The following NTM variants were observed in gnomAD, a reference collection of about 807,000 sequenced individuals.
NTM encodes IgLON family member 2.
Under a neutral mutation model 42.1 loss-of-function variants are expected in NTM, and 13 were observed. That is an observed-to-expected ratio of 0.31 (90% CI 0.20 to 0.49). The LOEUF (loss-of-function observed/expected upper bound fraction) is 0.49. Ranked by LOEUF, NTM falls within the 20% of genes least tolerant of loss-of-function variation. The pLI is 0.99. For synonymous variants in NTM, 187 were observed against 179.2 expected, an observed-to-expected ratio of 1.04 and a Z score of -0.35; for missense variants, 373 against 452.8, an observed-to-expected ratio of 0.82 and a Z score of 1.60.
intron 1 of NTM, among the ~76,000 whole-genome samples, chr11:131,587,701 T>C (rs773057853): frequency 3.9e-5 from 6 of 152,208 alleles, no homozygotes; most frequent in South Asian, 2.1e-4. Context: ...AGTGGAATTG[T>C]ATCTTAAATG....
At chr11:132,272,243 T>C (rs1331786029) in intron 4 of NTM, among the ~76,000 whole-genome samples, 1 of 152,140 alleles carries the variant, frequency 6.6e-6, no homozygotes, top group Non-Finnish European at 1.5e-5. Flanking sequence ...TCTATGTATT[T>C]CTCCTTATGC....
intron 2 of NTM, among the ~76,000 whole-genome samples, chr11:132,112,925 G>T (rs915479522): frequency 6.6e-6 from 1 of 152,220 alleles, no homozygotes; most frequent in African/African-American, 2.4e-5. Context: ...CAGCCAGAGG[G>T]GGTCTTGTTA....
chr11:132,181,825 G>A (rs761786372), intron 3 of NTM, among the ~76,000 whole-genome samples: 1 of 151,970 alleles, frequency 6.6e-6, no homozygotes, highest in Non-Finnish European at 1.5e-5. Context: ...TTTTAACTAT[G>A]TATGCAAATT....
In NTM at chr11:131,654,084, C is replaced by T. The variant is rs116179466; in HGVS notation, c.83-257480C>T. Among the ~76,000 whole-genome samples the T allele has an allele frequency of 6.9e-3, 1,049 of 152,244 alleles. 13 individuals carry two copies. The highest frequency in any genetic ancestry group is 0.024 in the African/African-American group (978 of 41,528). ...GCTCTCATGTGTACAGGACTGTAACCGGTGATGGTGGGAGAAGACAACCTT... is the reference window on the plus strand; with the variant it reads ...GCTCTCATGTGTACAGGACTGTAACTGGTGATGGTGGGAGAAGACAACCTT... On this transcript the variant is annotated intron_variant, in intron 1 of 8. Transcript: ENST00000683400.
At chr11:131,710,397 C>A (rs1027961598) in intron 1 of NTM, among the ~76,000 whole-genome samples, 1 of 152,126 alleles carries the variant, frequency 6.6e-6, no homozygotes. Context: ...CCTCACCAAG[C>A]GGGTCCATGT....
At chr11:131,642,171 C>A (rs1185372270) in intron 1 of NTM, among the ~76,000 whole-genome samples, 1 of 152,160 alleles carries the variant, frequency 6.6e-6, no homozygotes, top group Non-Finnish European at 1.5e-5. Context: ...GTTGGTCAGG[C>A]TGGATAAACA....
At chr11:131,978,413 C>T (rs747376292) in intron 2 of NTM, among the ~76,000 whole-genome samples, 1 of 152,078 alleles carries the variant, frequency 6.6e-6, no homozygotes, top group African/African-American at 2.4e-5. Flanking sequence ...GTCAGAGCAC[C>T]TATTCTTTTG....
chr11:132,249,042 C>T (rs1427916200), intron 4 of NTM, among the ~76,000 whole-genome samples: 1 of 152,234 alleles, frequency 6.6e-6, no homozygotes, highest in African/African-American at 2.4e-5. Context: ...CTGGAACATG[C>T]TCCACACACT....
At chr11:131,538,750 G>T (rs2052680535) in intron 1 of NTM, 1 of 152,182 alleles carries the variant, frequency 6.6e-6, no homozygotes, top group Non-Finnish European at 1.5e-5. Context: ...AATGATGTTG[G>T]TCAATGGGTA....
intron 1 of NTM, chr11:131,536,399 G>A (rs2052231826): frequency 6.6e-6 from 1 of 152,188 alleles, no homozygotes; most frequent in African/African-American, 2.4e-5. Flanking sequence ...GTTACTGGGG[G>A]ACATGCACAT....
intron 4 of NTM, among the ~76,000 whole-genome samples, chr11:132,288,535 A>T (rs1317386809): frequency 6.6e-6 from 1 of 152,256 alleles, no homozygotes; most frequent in Non-Finnish European, 1.5e-5. Flanking sequence ...CGGAATACAC[A>T]ATAGTTTCAC....
intron 1 of NTM, among the ~76,000 whole-genome samples, chr11:131,902,128 C>G (rs909453895): frequency 6.6e-6 from 1 of 152,136 alleles, no homozygotes; most frequent in African/African-American, 2.4e-5. Flanking sequence ...CACAAGCATA[C>G]AGAAATGCAT....
chr11:132,317,207 TCA>T (rs1011561271), intron 7 of NTM, among the ~76,000 whole-genome samples: 6 of 152,146 alleles, frequency 3.9e-5, no homozygotes, highest in Non-Finnish European at 8.8e-5. Flanking sequence ...CACTCCTGAA[TCA>T]CAGTGCTCTG....
intron 7 of NTM, 21 bp from the exon 8 acceptor site, chr11:132,330,132 C>CTTGT (rs1354095820): frequency 4.5e-6 from 7 of 1,551,508 alleles, no homozygotes; most frequent in African/African-American, 1.4e-5. Flanking sequence ...TTAACAGTGG[C>CTTGT]TTGTTTTTAA....
rs869056003 is a variant in NTM at position 131,598,875 on chromosome 11, TCTTCCTTCCTTCCTTC to T, written c.82+228020_82+228035del. On this transcript the variant is annotated intron_variant, in intron 1 of 8. Coordinates refer to ENST00000683400, the MANE Select transcript of NTM (RefSeq NM_001352005.2). The stretch of plus-strand genomic sequence containing the variant: ...TTCCTTCCTTCCTTCCTTCCTTCCT[TCTTCCTTCCTTCCTTC>T]CTTCCTTCCTTCCTTCCTTCCTTCC... Among the ~76,000 whole-genome samples the T allele has an allele frequency of 2.9e-4, 10 of 35,004 alleles. 2 individuals are homozygous for T. The highest frequency in any genetic ancestry group is 1.3e-3 in the Admixed American group (4 of 3,132). 23.0% of individuals were successfully genotyped at this position (35,004 alleles called of 152,430 possible). A position where few individuals can be genotyped will look rare whatever the true frequency, so the allele number is the denominator to read the frequency against.
chr11:131,631,133 G>A (rs761885266), intron 1 of NTM, among the ~76,000 whole-genome samples: 7 of 152,110 alleles, frequency 4.6e-5, no homozygotes, highest in Non-Finnish European at 1.0e-4. Context: ...TAGGGCTCTG[G>A]CACCTACTAA....
At position 132,335,166 on chromosome 11, in the gene NTM, C is replaced by T. The variant is rs752984051; in HGVS notation, c.*20C>T. ...TTTTGATGTGAGTGCCACTTCCCCA[C>T]CCGGGAAAGGCTGCCGCCACCACCA... is the stretch of plus-strand genomic sequence containing the variant. On this transcript the variant is annotated 3_prime_UTR_variant, in exon 9 of 9. Transcript: ENST00000683400. The T allele has an allele frequency of 1.9e-6, 3 of 1,610,916 alleles. No homozygotes were observed. Among genetic ancestry groups the T allele is most frequent in the East Asian group, 4.5e-5 (2 of 44,842 alleles).
At chr11:131,679,392 G>A (rs1301578688) in intron 1 of NTM, among the ~76,000 whole-genome samples, 1 of 152,140 alleles carries the variant, frequency 6.6e-6, no homozygotes, top group Non-Finnish European at 1.5e-5. Flanking sequence ...CATCGTGCCT[G>A]CCAATCCCAA....
intron 2 of NTM, among the ~76,000 whole-genome samples, chr11:132,060,210 C>A (rs544164326): frequency 2.0e-5 from 3 of 152,222 alleles, no homozygotes; most frequent in East Asian, 1.9e-4. Flanking sequence ...ACATCCACCC[C>A]CTGGGCTTCG....
Sources: gnomAD v4.1 joint callset for allele counts (sites outside exome capture counted in the v4.1 genomes callset) on GRCh38, gnomAD v4.1.1 for gene constraint, MANE v1.5 for transcripts, NCBI Gene and HGNC (gene_info 2026-07-23, HGNC 2026-07-21) for gene names.